Variants in ZNF528 observed in about 807,000 individuals in gnomAD.
ZNF528 encodes the protein zinc finger protein 528.
A neutral mutation model predicts 13.3 loss-of-function variants in ZNF528; 9 were observed. The observed-to-expected ratio is 0.67, with a 90% CI of 0.41 to 1.18. The LOEUF is 1.18. ZNF528 is among the 50% of genes most tolerant of loss of function. ZNF528 has a pLI of 0.01. For synonymous variants in ZNF528, 264 were observed against 254.3 expected (o/e 1.04, Z -0.36); for missense variants, 858 against 745.4 (o/e 1.15, Z -1.76).
intron 6 of ZNF528, among the ~76,000 whole-genome samples, chr19:52,409,218 C>CT (rs570724665): frequency 3.9e-4 from 59 of 150,890 alleles, no homozygotes; most frequent in African/African-American, 1.3e-3. Context: ...TTGTCTTTGT[C>CT]TTTTTTTGAC....
At chr19:52,406,826 T>A in intron 6 of ZNF528, 183 bp downstream of exon 6, 7 of 710,074 alleles carry the variant, frequency 9.9e-6, no homozygotes, top group Non-Finnish European at 1.2e-5. Flanking sequence ...CATGAGCCAC[T>A]GTACCCTGCA....
chr19:52,410,583 A>T (rs1444476344), intron 6 of ZNF528, among the ~76,000 whole-genome samples: 2 of 152,198 alleles, frequency 1.3e-5, no homozygotes, highest in Non-Finnish European at 2.9e-5. Flanking sequence ...TGAGTTGGTC[A>T]TGTCTCTCAG....
chr19:52,413,423 A>G (rs1166108297), intron 6 of ZNF528: 2 of 152,202 alleles, frequency 1.3e-5, no homozygotes, highest in Middle Eastern at 3.2e-3. Flanking sequence ...GATTCTAGCA[A>G]TCCTAAAGTG....
chr19:52,413,869 C>T (rs2122586662), intron 6 of ZNF528: 2 of 241,976 alleles, frequency 8.3e-6, no homozygotes, highest in East Asian at 2.0e-4. Flanking sequence ...TGATGAGCCT[C>T]TTTTAATCCT....
At chr19:52,398,645 A>G (rs927230701) in intron 2 of ZNF528, 26 bp downstream of exon 2, 3 of 979,196 alleles carry the variant, frequency 3.1e-6, no homozygotes, top group East Asian at 1.1e-4. Flanking sequence ...GCAGAGGCAC[A>G]GTGAAAGAAG....
At chr19:52,409,396 C>T (rs1463459969) in intron 6 of ZNF528, among the ~76,000 whole-genome samples, 1 of 151,536 alleles carries the variant, frequency 6.6e-6, no homozygotes, top group African/African-American at 2.4e-5. Context: ...CTCCACCTCC[C>T]GGGTTTAAGC....
In ZNF528 at chr19:52,405,994, G is replaced by C. The variant is rs760400169; in HGVS notation, c.103G>C (p.Asp35His). The C allele has an allele frequency of 1.2e-6, 2 of 1,611,840 alleles. No homozygotes were observed. Among genetic ancestry groups the C allele is most frequent in the South Asian group, 2.2e-5 (2 of 91,072 alleles). ...CCCTGCGCAGAGGACTTTATACAGG[G>C]ACGTGATGTTGGAGAATTATAGGAA... ...LDPAQRTLYR[D>H]VMLENYRNLV... Residue 35 changes from aspartate to histidine, a missense_variant, in exon 5 of 7, where the codon GAC (aspartate) becomes CAC (histidine). Coordinates refer to ENST00000360465, the MANE Select transcript of ZNF528 (RefSeq NM_032423.3).
Position 52,415,521 on chromosome 19 carries a change from T to C in ZNF528, c.669T>C (p.Ser223=). The change falls in exon 7 of 7, where the codon AGT becomes AGC. Residue 223 remains serine, a synonymous_variant. Transcript: ENST00000360465. ...GCAGTGAATGTGGCAAGGTCTTTAGTTGCAGTTCAAAGCTTGTGATACATC... is the reference window on the plus strand; with the variant it reads ...GCAGTGAATGTGGCAAGGTCTTTAGCTGCAGTTCAAAGCTTGTGATACATC... ...YKCSECGKVF[S]CSSKLVIHRR... 1 of 1,614,188 alleles carries C rather than the reference T, an allele frequency of 6.2e-7. No individual in the cohort carries two copies. Among genetic ancestry groups the C allele is most frequent in the Non-Finnish European group, 8.5e-7 (1 of 1,180,030 alleles).
In ZNF528 at chr19:52,414,030, GTTT is replaced by G. The variant is rs2058965855; in HGVS notation, c.272-1089_272-1087del. On this transcript the variant is annotated intron_variant, in intron 6 of 6. Transcript: ENST00000360465. ...AGAACTTGAAACAACTGCACGTAGT[GTTT>G]TTTTCAACAGACAAGTTCTGCCCCA... The G allele has an allele frequency of 1.6e-5, 9 of 574,980 alleles. 1 individual carries two copies. In the South Asian group the frequency reaches 1.9e-4, roughly 12 times the overall value. 35.6% of individuals were successfully genotyped at this position (574,980 alleles called of 1,614,324 possible). A position where few individuals can be genotyped will look rare whatever the true frequency, so the allele number is the denominator to read the frequency against.
intron 6 of ZNF528, chr19:52,413,698 C>T (rs1007877383): frequency 3.9e-5 from 6 of 152,268 alleles, no homozygotes; most frequent in African/African-American, 1.5e-4. Flanking sequence ...TTTTTATCCT[C>T]CCTCTCCTGT....
In ZNF528 at chr19:52,415,743, C is replaced by G. The variant is rs754869764; in HGVS notation, c.891C>G (p.Tyr297Ter). The G allele has an allele frequency of 6.2e-7, 1 of 1,614,090 alleles. No individual in the cohort carries two copies. The highest frequency in any genetic ancestry group is 8.5e-7 in the Non-Finnish European group (1 of 1,180,026). Residue 297 changes from tyrosine to a stop codon, truncating the protein, a stop_gained, in exon 7 of 7, where the codon TAC (tyrosine) becomes TAG (stop). Coordinates refer to ENST00000360465, the MANE Select transcript of ZNF528 (RefSeq NM_032423.3). LOFTEE classifies it low-confidence loss of function (END_TRUNC). ...HQRIHTGEKP[Y>*]KCHECDKVFN... ...GAATTCATACTGGAGAGAAGCCTTA[C>G]AAATGTCATGAATGTGACAAGGTCT... is the stretch of plus-strand genomic sequence containing the variant.
intron 6 of ZNF528, chr19:52,412,806 C>G (rs184459643): frequency 2.6e-5 from 4 of 152,108 alleles, no homozygotes; most frequent in African/African-American, 9.7e-5. Context: ...ACAACATTTT[C>G]CCAATTTAGC....
chr19:52,415,270 A>G lies in ZNF528; in HGVS notation c.418A>G (p.Ser140Gly). Residue 140 changes from serine (S) to glycine (G), a missense_variant, in exon 7 of 7, where the codon AGT (serine) becomes GGT (glycine). Transcript: ENST00000360465. ...SGCKHFEKPV[S>G]DNSSVSPLEK... Reference sequence around the variant, plus strand: ...GTGTAAGCATTTTGAAAAACCCGTCAGTGACAATTCCTCAGTTTCACCGCT... The same window carrying G: ...GTGTAAGCATTTTGAAAAACCCGTCGGTGACAATTCCTCAGTTTCACCGCT... 1.9e-6 allele frequency: 3 copies of G among 1,614,106 alleles called. No individual in the cohort carries two copies. The highest frequency in any genetic ancestry group is 2.5e-6 in the Non-Finnish European group (3 of 1,180,018).
intron 4 of ZNF528, chr19:52,402,293 G>T (rs575061137): frequency 8.3e-6 from 5 of 601,264 alleles, no homozygotes; most frequent in South Asian, 6.1e-5. Context: ...GGGTCCCGTG[G>T]TGGCAGTGCT....
chr19:52,414,400 C>T, intron 6 of ZNF528: 1 of 682,810 alleles, frequency 1.5e-6, no homozygotes, highest in Non-Finnish European at 2.7e-6. Flanking sequence ...TCAGGGGGCT[C>T]CTTCTAGTGA....
intron 2 of ZNF528, 25 bp downstream of exon 2, chr19:52,398,644 C>T: frequency 1.0e-6 from 1 of 982,140 alleles, no homozygotes; most frequent in Non-Finnish European, 1.2e-6. Context: ...TGCAGAGGCA[C>T]AGTGAAAGAA....
chr19:52,415,951 A>T lies in ZNF528; in HGVS notation c.1099A>T (p.Ser367Cys). ...TGGCAAAGCATTTTCAGTGCGTTCC[A>T]GCCTCATAACCCATCAGTTAATTCA... ...ECGKAFSVRS[S>C]LITHQLIHTG... is the part of the protein sequence containing the mutation. Residue 367 changes from serine (S) to cysteine (C), a missense_variant, in exon 7 of 7, where the codon AGC (serine) becomes TGC (cysteine). Physicochemically the swap from Ser to Cys is moderately radical, Grantham distance 112. Coordinates refer to ENST00000360465, the MANE Select transcript of ZNF528 (RefSeq NM_032423.3). The T allele has an allele frequency of 6.2e-6, 10 of 1,613,958 alleles. No homozygotes were observed. The highest frequency in any genetic ancestry group is 8.5e-6 in the Non-Finnish European group (10 of 1,179,968).
intron 4 of ZNF528, among the ~76,000 whole-genome samples, chr19:52,403,402 AC>A (rs1188623725): frequency 1.3e-5 from 2 of 152,118 alleles, no homozygotes; most frequent in Admixed American, 1.3e-4. Flanking sequence ...GCAGTGGCTC[AC>A]CCCTGTAATC....
intron 6 of ZNF528, chr19:52,414,033 T>G (rs868370857): frequency 2.4e-5 from 14 of 577,160 alleles, no homozygotes; most frequent in South Asian, 2.3e-4. Flanking sequence ...ACGTAGTGTT[T>G]TTTTCAACAG....
Sources: allele counts gnomAD v4.1 joint callset (sites outside exome capture counted in the v4.1 genomes callset), GRCh38; gene constraint gnomAD v4.1.1; transcripts MANE v1.5; gene names NCBI Gene and HGNC (gene_info 2026-07-23, HGNC 2026-07-21).